The following GRIP1 variants were observed in gnomAD, a reference collection of about 807,000 sequenced individuals.
GRIP1 encodes the protein glutamate receptor interacting protein 1, also known as glutamate receptor-interacting protein 1.
GRIP1 carries 45 observed loss-of-function variants against 129.9 expected under a neutral mutation model. The ratio of observed to expected loss-of-function variants is 0.35; its 90% CI spans 0.27 to 0.44. GRIP1 has a LOEUF of 0.44. Among genes scored for constraint, GRIP1 ranks in the 20% least tolerant of loss-of-function variants. The pLI, the probability that GRIP1 is intolerant of heterozygous loss-of-function variation, is 1.00. For missense variants in GRIP1, 1,196 were observed against 1,396.8 expected, an observed-to-expected ratio of 0.86 and a Z score of 2.29; for synonymous variants, 530 against 520.8, an observed-to-expected ratio of 1.02 and a Z score of -0.24.
At position 66,633,165 on chromosome 12, in the gene GRIP1, G is replaced by A. The variant is rs192187044; in HGVS notation, c.56-36238C>T. On this transcript the variant is annotated intron_variant, in intron 1 of 24. Coordinates refer to ENST00000359742, the MANE Select transcript of GRIP1 (RefSeq NM_001366722.1). ...GTAGCTGGAACTACATGTGTGTGCCGCTATGCCCGGCTAATTTTTGTGTGT... is the reference window on the plus strand; with the variant it reads ...GTAGCTGGAACTACATGTGTGTGCCACTATGCCCGGCTAATTTTTGTGTGT... Among the ~76,000 whole-genome samples, 175 of 150,074 alleles carry A rather than the reference G, an allele frequency of 1.2e-3. 1 individual carries two copies. The highest frequency in any genetic ancestry group is 1.5e-3 in the South Asian group (7 of 4,764).
chr12:66,889,580 C>T (rs1256323857), intron 1 of GRIP1, among the ~76,000 whole-genome samples: 1 of 152,208 alleles, frequency 6.6e-6, no homozygotes, highest in African/African-American at 2.4e-5. Flanking sequence ...GTCAAAGTAA[C>T]TATGCCAAAT....
intron 1 of GRIP1, among the ~76,000 whole-genome samples, chr12:66,788,008 C>T (rs565618871): frequency 4.3e-4 from 65 of 152,080 alleles, no homozygotes; most frequent in African/African-American, 1.2e-3. Flanking sequence ...TCACTTTCTC[C>T]GGGTTCCAGG....
intron 1 of GRIP1, among the ~76,000 whole-genome samples, chr12:66,781,929 T>C (rs2038174153): frequency 2.0e-5 from 3 of 152,286 alleles, no homozygotes; most frequent in Admixed American, 6.5e-5. Flanking sequence ...CTCCAAAATA[T>C]ACCAATGGAA....
intron 1 of GRIP1, among the ~76,000 whole-genome samples, chr12:66,734,187 G>T (rs934735476): frequency 1.3e-5 from 2 of 152,264 alleles, no homozygotes; most frequent in Admixed American, 1.3e-4. Context: ...TATCATTAAG[G>T]TTGTGTCAGC....
At chr12:66,889,207 C>T (rs1170050364) in intron 1 of GRIP1, among the ~76,000 whole-genome samples, 1 of 152,204 alleles carries the variant, frequency 6.6e-6, no homozygotes, top group Non-Finnish European at 1.5e-5. Context: ...CGCCTGTAAT[C>T]CCAGCACCTT....
At chr12:66,401,323 A>T (rs1295608660) in intron 16 of GRIP1, among the ~76,000 whole-genome samples, 1 of 151,952 alleles carries the variant, frequency 6.6e-6, no homozygotes, top group Non-Finnish European at 1.5e-5. Context: ...ACACCTGTAA[A>T]TCCCAGCACT....
rs528543748 is a variant in GRIP1, at chr12:66,986,577, G to A, written c.58+82473C>T. 4.1e-5 allele frequency among the ~76,000 whole-genome samples: 6 copies of A among 147,510 alleles called. No homozygotes were observed. In the East Asian group the frequency reaches 1.0e-3, roughly 25 times the overall value. On this transcript the variant is annotated intron_variant, in intron 1 of 1. Transcript: ENST00000643019. ...ATCATTCTCAGTAAACTATTGCAAG[G>A]ACAAAAAACCAAACACCGCATGTTC...
intron 1 of GRIP1, among the ~76,000 whole-genome samples, chr12:66,900,558 T>C (rs2040828590): frequency 6.6e-6 from 1 of 152,192 alleles, no homozygotes; most frequent in Non-Finnish European, 1.5e-5. Flanking sequence ...CATACACTGC[T>C]ATAGCAGGTC....
In GRIP1 at chr12:66,376,884, G is replaced by A; in HGVS notation, c.2778+133C>T. ...CAGGGAGCAATGGCAGAAGCCACAA[G>A]TCAGTAAGCTTGAGGGGTGGAGATG... On this transcript the variant is annotated intron_variant, in intron 22 of 24. Transcript: ENST00000359742. 5 of 786,066 alleles carry A rather than the reference G, an allele frequency of 6.4e-6. No homozygotes were observed. The East Asian group carries it at 9.7e-5, about 15-fold the overall frequency. 48.7% of individuals were successfully genotyped at this position (786,066 alleles called of 1,614,324 possible).
At chr12:66,749,644 T>C (rs560074619) in intron 1 of GRIP1, among the ~76,000 whole-genome samples, 125 of 152,304 alleles carry the variant, frequency 8.2e-4, no homozygotes, top group African/African-American at 2.7e-3. Context: ...TAAGTGGGGA[T>C]GACTTCATTT....
chr12:66,566,462 G>T lies in GRIP1; in HGVS notation c.137-24512C>A, dbSNP rs186237347. ...GTTGAACCAGCCTTGCATCTCAAGG[G>T]ATGAAGCCCACTTGACCGTGGTGGA... is the stretch of plus-strand genomic sequence containing the variant. On this transcript the variant is annotated intron_variant, in intron 2 of 24. Coordinates refer to ENST00000359742, the MANE Select transcript of GRIP1 (RefSeq NM_001366722.1). Among the ~76,000 whole-genome samples, 21 of 152,274 alleles carry T rather than the reference G, an allele frequency of 1.4e-4. No homozygotes were observed. The East Asian group carries it at 3.7e-3, about 27-fold the overall frequency.
At chr12:66,867,609 T>A (rs2137140826) in intron 1 of GRIP1, among the ~76,000 whole-genome samples, 1 of 152,276 alleles carries the variant, frequency 6.6e-6, no homozygotes, top group South Asian at 2.1e-4. Flanking sequence ...CTTGTCAACA[T>A]CTAATATATA....
chr12:66,756,909 A>G (rs999323743), intron 1 of GRIP1, among the ~76,000 whole-genome samples: 1 of 152,192 alleles, frequency 6.6e-6, no homozygotes, highest in Non-Finnish European at 1.5e-5. Context: ...CCACTATCTC[A>G]GTCAAATCCA....
At chr12:66,465,623 A>T (rs986590517) in intron 7 of GRIP1, among the ~76,000 whole-genome samples, 12 of 152,140 alleles carry the variant, frequency 7.9e-5, no homozygotes, top group African/African-American at 2.9e-4. Flanking sequence ...TTCAGCTTGT[A>T]TTGTGTTAAT....
At chr12:66,845,350 G>A (rs754640296) in intron 1 of GRIP1, among the ~76,000 whole-genome samples, 9 of 152,070 alleles carry the variant, frequency 5.9e-5, no homozygotes, top group Non-Finnish European at 1.0e-4. Context: ...CCAACTACTC[G>A]GGAGGCTAAG....
chr12:66,609,064 A>G (rs1287956898), intron 1 of GRIP1, among the ~76,000 whole-genome samples: 1 of 151,876 alleles, frequency 6.6e-6, no homozygotes, highest in Non-Finnish European at 1.5e-5. Context: ...TACTTTTACA[A>G]TCATGGGTAT....
chr12:66,613,943 C>T (rs1381835376), intron 1 of GRIP1, among the ~76,000 whole-genome samples: 1 of 152,174 alleles, frequency 6.6e-6, no homozygotes, highest in African/African-American at 2.4e-5. Flanking sequence ...AGCATTAATG[C>T]TATTTTAAAG....
intron 2 of GRIP1, among the ~76,000 whole-genome samples, chr12:66,550,349 T>C (rs73323134): frequency 0.014 from 2,174 of 152,324 alleles, 58 homozygotes; most frequent in African/African-American, 0.05. Context: ...CAAGGTATTA[T>C]TGTTGTCTTA....
At chr12:67,007,676 C>A (rs2042647360) in intron 1 of GRIP1, among the ~76,000 whole-genome samples, 1 of 152,116 alleles carries the variant, frequency 6.6e-6, no homozygotes, top group African/African-American at 2.4e-5. Flanking sequence ...AGTCATATGT[C>A]ACTTATTTCC....
Sources: allele counts gnomAD v4.1 joint callset (sites outside exome capture counted in the v4.1 genomes callset), GRCh38; gene constraint gnomAD v4.1.1; transcripts MANE v1.5; gene names NCBI Gene and HGNC (gene_info 2026-07-23, HGNC 2026-07-21).